Variants in SAR1A observed in about 807,000 individuals in gnomAD.
SAR1A encodes the protein small COPII coat GTPase SAR1A.
A neutral mutation model predicts 22.6 loss-of-function variants in SAR1A; 6 were observed. The observed-to-expected ratio is 0.27, with a 90% CI of 0.15 to 0.52. The LOEUF (loss-of-function observed/expected upper bound fraction) is 0.52, where lower values mean the gene tolerates loss of function less well. SAR1A is among the 20% of genes least tolerant of loss of function. The pLI is 0.96. For synonymous variants in SAR1A, 70 were observed against 82.2 expected (o/e 0.85, Z 0.80); for missense variants, 145 against 245.1 (o/e 0.59, Z 2.73).
At chr10:70,157,144 C>G (rs1209891499) in intron 5 of SAR1A, among the ~76,000 whole-genome samples, 1 of 152,158 alleles carries the variant, frequency 6.6e-6, no homozygotes, top group Non-Finnish European at 1.5e-5. Flanking sequence ...GTGGCTCATG[C>G]CTGTAATCCC....
intron 4 of SAR1A, among the ~76,000 whole-genome samples, chr10:70,159,708 CAAGT>C (rs1387965192): frequency 2.6e-5 from 4 of 152,224 alleles, no homozygotes; most frequent in African/African-American, 4.8e-5. Context: ...AGTGTAATAA[CAAGT>C]AAGTAAATCT....
In SAR1A at chr10:70,163,606, C is replaced by T. The variant is rs142068479; in HGVS notation, c.-16-1675G>A. 5.1e-5 allele frequency: 34 copies of T among 667,740 alleles called. No homozygotes were observed. The East Asian group carries it at 8.7e-4, about 17-fold the overall frequency. 41.4% of individuals were successfully genotyped at this position (667,740 alleles called of 1,614,324 possible). On this transcript the variant is annotated intron_variant, in intron 1 of 6. Transcript: ENST00000373241. ...AATCCTAGGGCCCTGAAGAATGACACTAAATCAGTCCAAGTGGAGCAAGTG... is the reference window on the plus strand; with the variant it reads ...AATCCTAGGGCCCTGAAGAATGACATTAAATCAGTCCAAGTGGAGCAAGTG...
Position 70,161,033 on chromosome 10 carries a change from G to C in SAR1A, c.215C>G (p.Thr72Arg). The C allele has an allele frequency of 6.2e-7, 1 of 1,612,826 alleles. No individual in the cohort carries two copies. The highest frequency in any genetic ancestry group is 1.1e-5 in the South Asian group (1 of 90,916). Residue 72 changes from threonine to arginine, a missense_variant, in exon 4 of 7, where the codon ACA becomes AGA. Transcript: ENST00000373241. ...EELTIAGMTF[T>R]TFDLGGHEQA... ...CTCGTGCCCACCAAGATCAAAAGTT[G>C]TAAAGGTCATTCCAGCAATTGTTAG...
Position 70,148,370 on chromosome 10 carries a change from T to G in SAR1A, c.*4106A>C, listed in dbSNP as rs1564567207. 1 of 152,230 alleles carries G rather than the reference T, an allele frequency of 6.6e-6. No individual in the cohort carries two copies. The highest frequency in any genetic ancestry group is 1.5e-5 in the Non-Finnish European group (1 of 68,056). 9.4% of individuals were successfully genotyped at this position (152,230 alleles called of 1,614,324 possible). A position where few individuals can be genotyped will look rare whatever the true frequency, so the allele number is the denominator to read the frequency against. ...GAGAAAGGAAAACGATTATCCATGA[T>G]AGTATGAGGCAGGAATAAAATTAGG... On this transcript the variant is annotated 3_prime_UTR_variant, in exon 7 of 7. Transcript: ENST00000373241.
intron 5 of SAR1A, chr10:70,155,214 G>A: frequency 6.6e-6 from 3 of 453,062 alleles, no homozygotes; most frequent in East Asian, 7.0e-5. Flanking sequence ...TGGTGTTCAT[G>A]TAAGAGATCA....
At chr10:70,167,795 A>C (rs748347617) in intron 1 of SAR1A, among the ~76,000 whole-genome samples, 1 of 152,216 alleles carries the variant, frequency 6.6e-6, no homozygotes, top group African/African-American at 2.4e-5. Context: ...GCTCTTACGA[A>C]AAAATACTAA....
At chr10:70,163,676 A>G (rs879042753) in intron 1 of SAR1A, 2 of 759,200 alleles carry the variant, frequency 2.6e-6, no homozygotes, top group South Asian at 2.8e-5. Context: ...AACCAGTAGC[A>G]CTTGCAGCAT....
rs554317920 is a variant in SAR1A at position 70,152,733 on chromosome 10, T to C, written c.481-141A>G. 34 of 641,930 alleles carry C rather than the reference T, an allele frequency of 5.3e-5. No individual in the cohort carries two copies. The African/African-American group carries it at 5.6e-4, about 11-fold the overall frequency. The allele number at this position is 641,930 out of a possible 1,614,324, so 39.8% of individuals were successfully genotyped here. A position where few individuals can be genotyped will look rare whatever the true frequency, so the allele number is the denominator to read the frequency against. On this transcript the variant is annotated intron_variant, in intron 6 of 6. Coordinates refer to ENST00000373241, the MANE Select transcript of SAR1A (RefSeq NM_020150.5). ...AATTACAGAAATGTGGTCAAGGCCA[T>C]ATAGATGACTTCCCCAGGCTTCGTG...
intron 1 of SAR1A, among the ~76,000 whole-genome samples, chr10:70,165,618 C>T (rs892582889): frequency 2.0e-5 from 3 of 152,162 alleles, no homozygotes; most frequent in Non-Finnish European, 4.4e-5. Context: ...TAAAGAGATG[C>T]TTCTTATGGA....
At position 70,148,251 on chromosome 10, in the gene SAR1A, C is replaced by T. The variant is rs1839286253; in HGVS notation, c.*4225G>A. The T allele has an allele frequency of 6.6e-6, 1 of 152,234 alleles. No individual in the cohort carries two copies. The highest frequency in any genetic ancestry group is 2.4e-5 in the African/African-American group (1 of 41,456). 9.4% of individuals were successfully genotyped at this position (152,234 alleles called of 1,614,324 possible). A position where few individuals can be genotyped will look rare whatever the true frequency, so the allele number is the denominator to read the frequency against. ...CTACTTAAATTCTCTAATCTTTCTG[C>T]CTGAATTCTTTAAATAAAGTTAACA... On this transcript the variant is annotated 3_prime_UTR_variant, in exon 7 of 7. Coordinates refer to ENST00000373241, the MANE Select transcript of SAR1A (RefSeq NM_020150.5).
chr10:70,153,993 A>G, intron 5 of SAR1A, 24 bp from the exon 6 acceptor site: 2 of 1,528,902 alleles, frequency 1.3e-6, no homozygotes, highest in Non-Finnish European at 1.8e-6. Flanking sequence ...AAAAAGAAAA[A>G]AAGAAAAAAA....
At chr10:70,157,712 C>T (rs761332613) in intron 5 of SAR1A, 52 bp downstream of exon 5, 2 of 1,386,578 alleles carry the variant, frequency 1.4e-6, no homozygotes, top group East Asian at 2.4e-5. Flanking sequence ...AAAATAGAGG[C>T]CAAAAAAGAA....
At chr10:70,163,598 G>A (rs1278009963) in intron 1 of SAR1A, 2 of 643,090 alleles carry the variant, frequency 3.1e-6, no homozygotes, top group African/African-American at 1.8e-5. Context: ...GGGCCCTGAA[G>A]AATGACACTA....
chr10:70,168,771 C>T (rs112582593), intron 1 of SAR1A, among the ~76,000 whole-genome samples: 4,405 of 152,082 alleles, frequency 0.029, 90 homozygotes, highest in East Asian at 0.058. Context: ...ATAATAAAAA[C>T]CCTTACTAGA....
intron 2 of SAR1A, 46 bp downstream of exon 2, chr10:70,161,812 G>T: frequency 6.2e-7 from 1 of 1,612,814 alleles, no homozygotes; most frequent in East Asian, 2.2e-5. Context: ...ATTACTGAGG[G>T]AAAGGCACAA....
rs753543437 is a variant in SAR1A, at chr10:70,161,851, G to C, written c.58+7C>G. The C allele has an allele frequency of 6.2e-7, 1 of 1,613,410 alleles. No homozygotes were observed. The highest frequency in any genetic ancestry group is 2.2e-5 in the East Asian group (1 of 44,866). On this transcript the variant is annotated splice_region_variant and intron_variant, in intron 2 of 6. Transcript: ENST00000373241. ...TTGAAACCTGTATTTCAAGGAAATGGCTTTACCTAGGAACTGGAGCACACT... is the reference window on the plus strand; with the variant it reads ...TTGAAACCTGTATTTCAAGGAAATGCCTTTACCTAGGAACTGGAGCACACT...
intron 5 of SAR1A, chr10:70,154,937 T>C (rs181952934): frequency 1.4e-4 from 47 of 346,098 alleles, no homozygotes; most frequent in African/African-American, 8.2e-4. Flanking sequence ...AAGGGCAGGG[T>C]TTGGATAGGT....
At chr10:70,156,672 A>T (rs1293550631) in intron 5 of SAR1A, among the ~76,000 whole-genome samples, 4 of 9,186 alleles carry the variant, frequency 4.4e-4, no homozygotes, top group Non-Finnish European at 1.1e-3. Context: ...GATTCTGTTT[A>T]AAAAAAAAAA....
chr10:70,169,049 T>A (rs1839590426), intron 1 of SAR1A, among the ~76,000 whole-genome samples: 1 of 152,170 alleles, frequency 6.6e-6, no homozygotes, highest in Admixed American at 6.6e-5. Context: ...TACTTGTACA[T>A]CTCATTTCAT....
Sources: allele counts gnomAD v4.1 joint callset (sites outside exome capture counted in the v4.1 genomes callset), GRCh38; gene constraint gnomAD v4.1.1; transcripts MANE v1.5; gene names NCBI Gene and HGNC (gene_info 2026-07-23, HGNC 2026-07-21).